FGD6: variants seen among roughly 807,000 people sequenced by gnomAD.
FGD6 encodes the protein FYVE, RhoGEF and PH domain-containing protein 6.
FGD6 carries 90 observed loss-of-function variants against 149.4 expected under a neutral mutation model. That is an observed-to-expected ratio of 0.60 (90% CI 0.51 to 0.72). The LOEUF (loss-of-function observed/expected upper bound fraction) is 0.72. Ranked by LOEUF, FGD6 falls within the 30% of genes least tolerant of loss-of-function variation. The pLI is 0.00. For missense variants in FGD6, 1,437 were observed against 1,684.8 expected (o/e 0.85, Z 2.57); for synonymous variants, 527 against 584.0 (o/e 0.90, Z 1.41).
rs139839892 is a variant in FGD6 at position 95,150,143 on chromosome 12, T to A, written c.2685+2668A>T. On this transcript the variant is annotated intron_variant, in intron 5 of 20. Transcript: ENST00000343958. Reference sequence around the variant, plus strand: ...CCTGGGTTCAAGGGATTCTCCTGCCTCAGCCTCCAGAGTAGCTGGGATTAC... The same window carrying A: ...CCTGGGTTCAAGGGATTCTCCTGCCACAGCCTCCAGAGTAGCTGGGATTAC... Among the ~76,000 whole-genome samples the A allele has an allele frequency of 3.7e-3, 557 of 151,688 alleles. 2 individuals are homozygous for A. The highest frequency in any genetic ancestry group is 0.012 in the African/African-American group (479 of 41,392).
intron 8 of FGD6, among the ~76,000 whole-genome samples, chr12:95,119,645 C>G (rs1055562496): frequency 1.3e-5 from 2 of 152,194 alleles, no homozygotes; most frequent in Non-Finnish European, 2.9e-5. Flanking sequence ...CTGATTAGCA[C>G]TGTCGGCTGG....
At chr12:95,113,581 T>G in intron 9 of FGD6, 70 bp downstream of exon 9, 3 of 1,176,822 alleles carry the variant, frequency 2.5e-6, no homozygotes, top group Non-Finnish European at 3.7e-6. Flanking sequence ...GTTATCAATA[T>G]ATTTTTACTT....
chr12:95,214,062 T>C (rs1003152194), intron 1 of FGD6, among the ~76,000 whole-genome samples: 7 of 152,214 alleles, frequency 4.6e-5, no homozygotes, highest in Admixed American at 3.9e-4. Flanking sequence ...AAGAACCTCA[T>C]GTACTGTGGC....
chr12:95,124,571 A>G (rs2136250581), intron 8 of FGD6, among the ~76,000 whole-genome samples: 1 of 152,314 alleles, frequency 6.6e-6, no homozygotes, highest in Non-Finnish European at 1.5e-5. Flanking sequence ...CTCTGCCAAG[A>G]CAAGTCCCAG....
Position 95,141,514 on chromosome 12 carries a change from G to A in FGD6, c.2711C>T (p.Ala904Val). Residue 904 changes from alanine to valine, a missense_variant, in exon 6 of 21, where the codon GCT (alanine) becomes GTT (valine). This residue lies in a region of FGD6 where 1,055 missense variants were observed against 1,146.0 expected (regional missense o/e 0.92). Transcript: ENST00000343958. ...CACTGGTTTCCCAAGTTGCCTGGAA[G>A]CATGAGCTACTGCATCCCGGAAATC... ...HIDFRDAVAH[A>V]SRQLGKPVIE... The A allele has an allele frequency of 6.2e-7, 1 of 1,614,116 alleles. No individual in the cohort carries two copies. Among genetic ancestry groups the A allele is most frequent in the Non-Finnish European group, 8.5e-7 (1 of 1,180,012 alleles).
At chr12:95,131,753 C>T (rs188237696) in intron 8 of FGD6, among the ~76,000 whole-genome samples, 19 of 152,174 alleles carry the variant, frequency 1.2e-4, no homozygotes, top group Admixed American at 8.5e-4. Context: ...CCACCAGTAT[C>T]GAGGGCCTAT....
At chr12:95,126,416 G>A in intron 8 of FGD6, 2 of 1,249,918 alleles carry the variant, frequency 1.6e-6, no homozygotes, top group Non-Finnish European at 2.2e-6. Context: ...AAACAATAAA[G>A]GTTCTTTAAA....
At chr12:95,090,939 C>G (rs1878034446) in intron 17 of FGD6, among the ~76,000 whole-genome samples, 1 of 152,072 alleles carries the variant, frequency 6.6e-6, no homozygotes. Flanking sequence ...CGCGTCTCTA[C>G]TAAAATACAA....
chr12:95,093,293 G>A (rs879418135), intron 15 of FGD6, among the ~76,000 whole-genome samples: 39 of 151,978 alleles, frequency 2.6e-4, no homozygotes, highest in African/African-American at 8.7e-4. Flanking sequence ...CACGCCTGTA[G>A]TCCCAGCACT....
intron 3 of FGD6, among the ~76,000 whole-genome samples, chr12:95,165,315 G>A (rs891449635): frequency 6.6e-6 from 1 of 151,302 alleles, no homozygotes; most frequent in African/African-American, 2.4e-5. Context: ...TATGTCAGAT[G>A]TGTATCAATT....
intron 5 of FGD6, among the ~76,000 whole-genome samples, chr12:95,149,483 C>A (rs1880228646): frequency 7.6e-6 from 1 of 131,968 alleles, no homozygotes; most frequent in Non-Finnish European, 1.5e-5. Flanking sequence ...GTATATATCA[C>A]ATATATTATA....
intron 20 of FGD6, among the ~76,000 whole-genome samples, chr12:95,083,012 A>AAAAAAAATATATATATATATATAT (rs68032073): frequency 1.0e-4 from 2 of 20,030 alleles, no homozygotes; most frequent in Non-Finnish European, 1.7e-4. Context: ...AAAAAAAAAA[A>AAAAAAAATATATATATATATATAT]ATATATATAT....
intron 3 of FGD6, among the ~76,000 whole-genome samples, chr12:95,167,073 T>G (rs926572061): frequency 1.3e-5 from 2 of 152,086 alleles, no homozygotes; most frequent in African/African-American, 4.8e-5. Context: ...GTCAAGCTGC[T>G]CCCGAACTCC....
chr12:95,156,881 C>A (rs982839885), intron 3 of FGD6, among the ~76,000 whole-genome samples: 8 of 152,150 alleles, frequency 5.3e-5, no homozygotes, highest in Middle Eastern at 3.2e-3. Context: ...CGCCCAATAT[C>A]TGGCTGAATT....
intron 2 of FGD6, among the ~76,000 whole-genome samples, chr12:95,180,780 C>T (rs933055690): frequency 1.2e-4 from 18 of 152,004 alleles, no homozygotes; most frequent in Non-Finnish European, 7.4e-5. Context: ...CCCCCCGACA[C>T]ACACAGAGTC....
At chr12:95,189,653 G>GAAAAAAAAAAAAAAAAA (rs10582401) in intron 2 of FGD6, 1 of 124,098 alleles carries the variant, frequency 8.1e-6, no homozygotes, top group Non-Finnish European at 1.7e-5. Flanking sequence ...TGTTTCATAG[G>GAAAAAAAAAAAAAAAAA]AAAAAAAAAA....
At chr12:95,117,376 G>A (rs559748087) in intron 8 of FGD6, among the ~76,000 whole-genome samples, 2 of 152,074 alleles carry the variant, frequency 1.3e-5, no homozygotes, top group South Asian at 4.1e-4. Flanking sequence ...AAAATTAACT[G>A]GAACACAACA....
At chr12:95,104,372 G>A (rs896991957) in intron 14 of FGD6, among the ~76,000 whole-genome samples, 1 of 152,054 alleles carries the variant, frequency 6.6e-6, no homozygotes, top group African/African-American at 2.4e-5. Context: ...GCTAAGGTGG[G>A]AAGATTGCAT....
At chr12:95,116,280 T>A (rs1226865445) in intron 8 of FGD6, among the ~76,000 whole-genome samples, 1 of 152,176 alleles carries the variant, frequency 6.6e-6, no homozygotes, top group Non-Finnish European at 1.5e-5. Context: ...ACCCTCCCTA[T>A]TAGATGTTCT....
Sources: allele counts gnomAD v4.1 joint callset (sites outside exome capture counted in the v4.1 genomes callset), GRCh38; gene constraint gnomAD v4.1.1; regional missense constraint gnomAD v4.1.1; transcripts MANE v1.5; gene names NCBI Gene and HGNC (gene_info 2026-07-23, HGNC 2026-07-21).